Variants in MAF observed in about 807,000 individuals in gnomAD.
MAF encodes the protein transcription factor Maf.
In MAF, 10 loss-of-function variants were observed where a neutral mutation model predicts 22.0. The ratio of observed to expected loss-of-function variants is 0.45; its 90% CI spans 0.28 to 0.77. The LOEUF (loss-of-function observed/expected upper bound fraction) is 0.77. MAF is among the 30% of genes least tolerant of loss of function. The pLI is 0.12. For missense variants in MAF, 544 were observed against 548.4 expected (o/e 0.99, Z 0.08); for synonymous variants, 337 against 255.8 (o/e 1.32, Z -3.03).
rs201126542 is a variant in MAF, at chr16:79,598,875, G to T, written c.1028C>A (p.Ala343Glu). ...CAACTTCTCGTATTTCTCCTTGTAC[G>T]CGTCCCTCTCGCGCACCAGCCTGGA... ...EISRLVRERD[A>E]YKEKYEKLVS... The change falls in exon 1 of 2, where the codon GCG becomes GAG. Residue 343 changes from alanine (A) to glutamate (E), a missense_variant. Ala to Glu is a moderately radical substitution (Grantham distance 107). Around this residue, in one of 5 missense-constraint regions of MAF, gnomAD observed 129 missense variants for 113.6 expected, o/e 1.14. Transcript: ENST00000326043. 2 of 1,613,758 alleles carry T rather than the reference G, an allele frequency of 1.2e-6. No individual in the cohort carries two copies. Among genetic ancestry groups the T allele is most frequent in the South Asian group, 2.2e-5 (2 of 91,046 alleles).
chr16:79,235,151 CGGG>C, the MAF span, among the ~76,000 whole-genome samples: 1 of 151,976 alleles, frequency 6.6e-6, no homozygotes, highest in African/African-American at 2.4e-5. Flanking sequence ...CAAAGCTCAC[CGGG>C]AAAGTGGCAT....
At chr16:79,217,561 GTTGGTCTGC>G in the MAF span, among the ~76,000 whole-genome samples, 1 of 152,182 alleles carries the variant, frequency 6.6e-6, no homozygotes, top group Non-Finnish European at 1.5e-5. Flanking sequence ...CTGACTGTAA[GTTGGTCTGC>G]ACCTTCTCAT....
the MAF span, among the ~76,000 whole-genome samples, chr16:79,383,261 C>G: frequency 6.6e-6 from 1 of 152,162 alleles, no homozygotes; most frequent in Non-Finnish European, 1.5e-5. Flanking sequence ...AAGAAACAAT[C>G]TAACCATTTT....
the MAF span, among the ~76,000 whole-genome samples, chr16:79,216,215 T>A: frequency 6.6e-6 from 1 of 152,216 alleles, no homozygotes; most frequent in Non-Finnish European, 1.5e-5. Context: ...TATGTATACG[T>A]GTCATGTGCA....
chr16:79,215,716 C>A, the MAF span, among the ~76,000 whole-genome samples: 1 of 152,180 alleles, frequency 6.6e-6, no homozygotes, highest in Admixed American at 6.5e-5. Context: ...TACATTCATT[C>A]ATTTAACAAA....
At chr16:79,379,165 T>C in the MAF span, among the ~76,000 whole-genome samples, 2 of 152,326 alleles carry the variant, frequency 1.3e-5, no homozygotes, top group South Asian at 2.1e-4. Context: ...GGCACAAGAA[T>C]GTTCTCTTAC....
the MAF span, among the ~76,000 whole-genome samples, chr16:79,270,537 C>T: frequency 6.6e-6 from 1 of 152,186 alleles, no homozygotes; most frequent in African/African-American, 2.4e-5. Context: ...GATTTATAGG[C>T]AGGATACCAA....
the MAF span, among the ~76,000 whole-genome samples, chr16:79,517,171 A>C: frequency 1.3e-5 from 2 of 152,078 alleles, no homozygotes; most frequent in Non-Finnish European, 2.9e-5. Flanking sequence ...CTGAGTTCTA[A>C]TCTTCATTCC....
the MAF span, among the ~76,000 whole-genome samples, chr16:79,411,765 T>C: frequency 1.3e-5 from 2 of 152,226 alleles, no homozygotes; most frequent in Non-Finnish European, 2.9e-5. Context: ...TGCTCACTCT[T>C]CCTGCATGTT....
chr16:79,568,329 G>T, the MAF span, among the ~76,000 whole-genome samples: 1 of 152,130 alleles, frequency 6.6e-6, no homozygotes, highest in South Asian at 2.1e-4. Context: ...ATGACCCACA[G>T]GCTTATTAAG....
At chr16:79,271,388 T>G in the MAF span, among the ~76,000 whole-genome samples, 8 of 152,138 alleles carry the variant, frequency 5.3e-5, no homozygotes, top group African/African-American at 1.7e-4. Context: ...ATAATACAAA[T>G]AAGGCCATTT....
At chr16:79,485,040 C>T in the MAF span, among the ~76,000 whole-genome samples, 5 of 152,136 alleles carry the variant, frequency 3.3e-5, no homozygotes, top group Non-Finnish European at 7.4e-5. Context: ...TGCTTCTTGG[C>T]CTGATTGCCT....
the MAF span, among the ~76,000 whole-genome samples, chr16:79,413,307 G>A: frequency 8.0e-6 from 1 of 124,704 alleles, no homozygotes; most frequent in Non-Finnish European, 1.6e-5. Context: ...CAGTGGCGCA[G>A]CCTCGGCTCA....
At chr16:79,503,913 T>C in the MAF span, among the ~76,000 whole-genome samples, 6 of 152,226 alleles carry the variant, frequency 3.9e-5, no homozygotes, top group African/African-American at 4.8e-5. Context: ...AAACCACTTA[T>C]AAAATTAGGC....
chr16:79,409,066 C>T, the MAF span, among the ~76,000 whole-genome samples: 1 of 151,584 alleles, frequency 6.6e-6, no homozygotes, highest in Non-Finnish European at 1.5e-5. Flanking sequence ...ACAGTGTGAA[C>T]AGCACCTGGA....
the MAF span, among the ~76,000 whole-genome samples, chr16:79,232,449 G>T: frequency 6.6e-6 from 1 of 151,980 alleles, no homozygotes; most frequent in African/African-American, 2.4e-5. Flanking sequence ...TAGTTGACTC[G>T]ACAATTTCTC....
At chr16:79,440,184 A>G in the MAF span, among the ~76,000 whole-genome samples, 1 of 152,212 alleles carries the variant, frequency 6.6e-6, no homozygotes, top group Non-Finnish European at 1.5e-5. Context: ...TCTAAGAATG[A>G]TAAGGAAGAA....
At chr16:79,458,239 A>G in the MAF span, among the ~76,000 whole-genome samples, 1 of 151,776 alleles carries the variant, frequency 6.6e-6, no homozygotes, top group Non-Finnish European at 1.5e-5. Flanking sequence ...AATTAGCTAT[A>G]ATATTAGAGA....
chr16:79,260,479 C>CTA, the MAF span, among the ~76,000 whole-genome samples: 1 of 150,084 alleles, frequency 6.7e-6, no homozygotes, highest in Admixed American at 6.6e-5. Flanking sequence ...ATATCTATAT[C>CTA]TATATCTATA....
Sources: gnomAD v4.1 joint callset for allele counts (sites outside exome capture counted in the v4.1 genomes callset) on GRCh38, gnomAD v4.1.1 for gene constraint, gnomAD v4.1.1 regional missense constraint, MANE v1.5 for transcripts, NCBI Gene and HGNC (gene_info 2026-07-23, HGNC 2026-07-21) for gene names.